Variants in CTCF observed in about 807,000 individuals in gnomAD.
CTCF encodes transcriptional repressor CTCF.
In CTCF, 7 loss-of-function variants were observed where a neutral mutation model predicts 72.3. That is an observed-to-expected ratio of 0.10 (90% CI 0.06 to 0.18). CTCF has a LOEUF of 0.18. Ranked by LOEUF, CTCF falls within the 10% of genes least tolerant of loss-of-function variation. CTCF has a pLI of 1.00. For missense variants in CTCF, 516 were observed against 949.1 expected (o/e 0.54, Z 6.00); for synonymous variants, 374 against 315.8 (o/e 1.18, Z -1.95).
intron 2 of CTCF, among the ~76,000 whole-genome samples, chr16:67,574,868 A>G (rs913056232): frequency 6.8e-6 from 1 of 148,102 alleles, no homozygotes; most frequent in Non-Finnish European, 1.5e-5. Flanking sequence ...CTTGTCAGCC[A>G]GGATGGTCTT....
At chr16:67,626,924 C>A in intron 8 of CTCF, 1 of 378,850 alleles carries the variant, frequency 2.6e-6, no homozygotes, top group Non-Finnish European at 4.7e-6. Flanking sequence ...CAGCTTACCT[C>A]TTCCTTAAGC....
chr16:67,588,645 TAAAC>T (rs1192110776), intron 2 of CTCF, among the ~76,000 whole-genome samples: 1 of 152,222 alleles, frequency 6.6e-6, no homozygotes, highest in African/African-American at 2.4e-5. Flanking sequence ...ATAAGTGAAA[TAAAC>T]AGGCTACCCT....
intron 10 of CTCF, among the ~76,000 whole-genome samples, chr16:67,631,482 T>C (rs1425622081): frequency 6.6e-6 from 1 of 151,820 alleles, no homozygotes; most frequent in Non-Finnish European, 1.5e-5. Flanking sequence ...TGTTTTTAAA[T>C]AGAGATGGGG....
chr16:67,632,447 T>C (rs1477912091), intron 10 of CTCF, among the ~76,000 whole-genome samples: 1 of 152,196 alleles, frequency 6.6e-6, no homozygotes, highest in Non-Finnish European at 1.5e-5. Flanking sequence ...CTAGTGACTC[T>C]TTATCTCCCC....
intron 2 of CTCF, among the ~76,000 whole-genome samples, chr16:67,589,958 G>A (rs2051717378): frequency 6.6e-6 from 1 of 152,044 alleles, no homozygotes; most frequent in Non-Finnish European, 1.5e-5. Flanking sequence ...ATGATGGTGG[G>A]CATTTGTAGT....
chr16:67,601,339 T>G (rs1390907688), intron 2 of CTCF, among the ~76,000 whole-genome samples: 4 of 109,738 alleles, frequency 3.6e-5, no homozygotes, highest in Non-Finnish European at 4.1e-5. Flanking sequence ...GTGTGTGTGT[T>G]TTGTTTTGTT....
chr16:67,616,626 A>G, intron 4 of CTCF, 119 bp from the exon 5 acceptor site: 1 of 1,075,570 alleles, frequency 9.3e-7, no homozygotes, highest in Non-Finnish European at 1.4e-6. Flanking sequence ...CTTTCAAGCT[A>G]CTGCAGTTGA....
At chr16:67,581,196 G>A (rs547235731) in intron 2 of CTCF, among the ~76,000 whole-genome samples, 1 of 152,184 alleles carries the variant, frequency 6.6e-6, no homozygotes, top group African/African-American at 2.4e-5. Context: ...CCAGAGTGCT[G>A]GGATTACAGG....
At chr16:67,619,323 C>A (rs983265454) in intron 5 of CTCF, among the ~76,000 whole-genome samples, 5 of 152,140 alleles carry the variant, frequency 3.3e-5, no homozygotes, top group Non-Finnish European at 7.3e-5. Flanking sequence ...GTAGTCTCAG[C>A]TACTCGGGAG....
At chr16:67,583,228 C>G (rs1042673983) in intron 2 of CTCF, among the ~76,000 whole-genome samples, 4 of 151,772 alleles carry the variant, frequency 2.6e-5, no homozygotes, top group Non-Finnish European at 5.9e-5. Context: ...CTCAAGTGAT[C>G]CTCCAGCCTT....
At chr16:67,623,617 A>G (rs2052234034) in intron 7 of CTCF, among the ~76,000 whole-genome samples, 1 of 151,404 alleles carries the variant, frequency 6.6e-6, no homozygotes, top group African/African-American at 2.4e-5. Flanking sequence ...CTTGGGTGAC[A>G]GAGAGACCCC....
At chr16:67,612,169 C>T (rs752003758) in intron 4 of CTCF, 48 bp downstream of exon 4, 43 of 1,546,992 alleles carry the variant, frequency 2.8e-5, no homozygotes, top group South Asian at 1.7e-4. Flanking sequence ...GCTCAGACTT[C>T]GCTTTTTAGT....
rs190780704 is a variant in CTCF at position 67,564,608 on chromosome 16, A to G, written c.-127+1884A>G. ...TTTAATTATCTAATATGTTAGTCCA[A>G]TTGTGTAATTTATTGCATTCTTTTG... On this transcript the variant is annotated intron_variant, in intron 1 of 11. Coordinates refer to ENST00000264010, the MANE Select transcript of CTCF (RefSeq NM_006565.4). 8.5e-5 allele frequency among the ~76,000 whole-genome samples: 13 copies of G among 152,314 alleles called. No homozygotes were observed. The East Asian group carries it at 1.7e-3, about 20-fold the overall frequency.
chr16:67,604,706 A>G (rs2142801984), intron 2 of CTCF, among the ~76,000 whole-genome samples: 1 of 148,344 alleles, frequency 6.7e-6, no homozygotes. Context: ...AGTAAAATAG[A>G]TTACTAAAAT....
At chr16:67,599,268 G>T (rs998384812) in intron 2 of CTCF, among the ~76,000 whole-genome samples, 2 of 152,180 alleles carry the variant, frequency 1.3e-5, no homozygotes, top group East Asian at 1.9e-4. Flanking sequence ...GGTGGCACGC[G>T]CTGGTAGTCC....
chr16:67,566,446 G>GTTGC (rs201385093), intron 1 of CTCF, among the ~76,000 whole-genome samples: 4,465 of 145,316 alleles, frequency 0.031, 83 homozygotes, highest in Middle Eastern at 0.15. Flanking sequence ...GGAGGCGGAG[G>GTTGC]TTGCAGTGAG....
chr16:67,567,245 T>C (rs2051355222), intron 1 of CTCF, among the ~76,000 whole-genome samples: 1 of 152,220 alleles, frequency 6.6e-6, no homozygotes, highest in Non-Finnish European at 1.5e-5. Context: ...TGCAAAGTTG[T>C]GGCATTGCAT....
intron 1 of CTCF, among the ~76,000 whole-genome samples, chr16:67,565,518 C>A (rs1194695577): frequency 3.3e-5 from 5 of 150,986 alleles, no homozygotes; most frequent in Non-Finnish European, 7.4e-5. Context: ...ACTAAAAATA[C>A]AAAAAATTAG....
At chr16:67,566,047 A>T (rs935542859) in intron 1 of CTCF, among the ~76,000 whole-genome samples, 2 of 152,198 alleles carry the variant, frequency 1.3e-5, no homozygotes, top group African/African-American at 4.8e-5. Context: ...TAATTTTTTT[A>T]AACTAGACCA....
Sources: gnomAD v4.1 joint callset for allele counts (sites outside exome capture counted in the v4.1 genomes callset) on GRCh38, gnomAD v4.1.1 for gene constraint, MANE v1.5 for transcripts, NCBI Gene and HGNC (gene_info 2026-07-23, HGNC 2026-07-21) for gene names.